WNK2: variants seen among roughly 807,000 people sequenced by gnomAD.
The protein encoded by WNK2 is WNK lysine deficient protein kinase 2.
In WNK2, 67 loss-of-function variants were observed where a neutral mutation model predicts 192.1. The observed-to-expected ratio is 0.35, with a 90% confidence interval of 0.29 to 0.43. The LOEUF (loss-of-function observed/expected upper bound fraction) is 0.43. WNK2 is among the 20% of genes least tolerant of loss of function. The probability of loss-of-function intolerance (pLI) is 1.00; values close to 1 mark genes in which losing one functional copy is unlikely to be tolerated. For missense variants in WNK2, 2,698 were observed against 3,089.7 expected (o/e 0.87, Z 3.01); for synonymous variants, 1,439 against 1,393.9 (o/e 1.03, Z -0.72).
At chr9:93,271,944 T>C (rs997192455) in intron 19 of WNK2, among the ~76,000 whole-genome samples, 15 of 152,340 alleles carry the variant, frequency 9.8e-5, no homozygotes, top group African/African-American at 3.6e-4. Context: ...CGCCAGAAAG[T>C]GTGGTGTACA....
chr9:93,256,557 C>G, intron 10 of WNK2, 103 bp downstream of exon 10: 1 of 1,340,330 alleles, frequency 7.5e-7, no homozygotes. Context: ...ACCCTTCGCT[C>G]AAATTCTCTG....
chr9:93,236,580 C>A (rs563692691), intron 5 of WNK2, among the ~76,000 whole-genome samples: 1 of 152,216 alleles, frequency 6.6e-6, no homozygotes, highest in African/African-American at 2.4e-5. Context: ...ACAAAACAAC[C>A]TAGCAGATTG....
chr9:93,196,069 G>T (rs1199973400), intron 2 of WNK2, among the ~76,000 whole-genome samples: 3 of 152,206 alleles, frequency 2.0e-5, no homozygotes, highest in African/African-American at 7.2e-5. Context: ...GATGCCCACT[G>T]TGTTGTGAAG....
At chr9:93,267,396 C>T (rs1283991500) in intron 16 of WNK2, among the ~76,000 whole-genome samples, 2 of 152,166 alleles carry the variant, frequency 1.3e-5, no homozygotes, top group Non-Finnish European at 2.9e-5. Context: ...ACCCCCTCCC[C>T]TCTTCCCAGT....
At chr9:93,279,353 G>T (rs1847386119) in intron 19 of WNK2, among the ~76,000 whole-genome samples, 1 of 152,156 alleles carries the variant, frequency 6.6e-6, no homozygotes, top group South Asian at 2.1e-4. Context: ...ATTTTTGTAT[G>T]GATTATTTAG....
At position 93,288,850 on chromosome 9, in the gene WNK2, C is replaced by T; in HGVS notation, c.4096C>T (p.Gln1366Ter). Reference protein sequence around the residue: ...KEQPSFLASQQLLSQAGPSNP... With the variant: ...KEQPSFLASQ The stretch of plus-strand genomic sequence containing the variant: ...ACAACCCAGCTTTCTAGCCAGTCAG[C>T]AGCTCCTGAGCCAGGCGGGCCCCAG... Residue 1366 changes from glutamine (Q) to a stop codon, truncating the protein, a stop_gained, in exon 20 of 30, where the codon CAG (glutamine) becomes TAG (stop). Transcript: ENST00000427277. LOFTEE classifies it high-confidence loss of function. 1 of 1,612,348 alleles carries T rather than the reference C, an allele frequency of 6.2e-7. No homozygotes were observed. The highest frequency in any genetic ancestry group is 8.5e-7 in the Non-Finnish European group (1 of 1,179,646).
chr9:93,250,970 G>C (rs1398917425), intron 8 of WNK2, among the ~76,000 whole-genome samples: 1 of 82,956 alleles, frequency 1.2e-5, no homozygotes, highest in African/African-American at 5.5e-5. Flanking sequence ...ATTTTTAGTA[G>C]AGACGGGGTT....
chr9:93,185,642 C>G, intron 2 of WNK2, 32 bp downstream of exon 2: 3 of 1,590,544 alleles, frequency 1.9e-6, no homozygotes, highest in Non-Finnish European at 2.6e-6. Flanking sequence ...GGGGGCTTTC[C>G]GCAGGGTCTG....
At chr9:93,284,331 A>G (rs780939684) in intron 19 of WNK2, among the ~76,000 whole-genome samples, 20 of 152,244 alleles carry the variant, frequency 1.3e-4, no homozygotes, top group South Asian at 2.1e-4. Flanking sequence ...AATTAAATCT[A>G]GTGATACATG....
At chr9:93,315,539 C>T (rs1854483861) in intron 28 of WNK2, 1 of 152,226 alleles carries the variant, frequency 6.6e-6, no homozygotes, top group African/African-American at 2.4e-5. Context: ...TCAGTGATCT[C>T]ACCATTCTTC....
intron 19 of WNK2, among the ~76,000 whole-genome samples, chr9:93,278,049 TG>T (rs1386694081): frequency 2.0e-5 from 3 of 152,170 alleles, no homozygotes; most frequent in Admixed American, 6.5e-5. Flanking sequence ...TATATAACAA[TG>T]TTTTTTTCAA....
rs901759738 is a variant in WNK2 at position 93,251,225 on chromosome 9, C to G, written c.1835-1658C>G. 5.3e-5 allele frequency among the ~76,000 whole-genome samples: 8 copies of G among 152,004 alleles called. No individual in the cohort carries two copies. The South Asian group carries it at 1.0e-3, about 20-fold the overall frequency. ...CCATCTCCTGGGTTCAAGCTATTCT[C>G]CTGCCTCAGCCTCCTGAGTAGCTGG... On this transcript the variant is annotated intron_variant, in intron 8 of 29. Transcript: ENST00000427277.
intron 19 of WNK2, among the ~76,000 whole-genome samples, chr9:93,270,466 T>C (rs771769497): frequency 6.6e-6 from 1 of 152,242 alleles, no homozygotes; most frequent in Non-Finnish European, 1.5e-5. Flanking sequence ...GTGACACAGC[T>C]GTCTGAGTAC....
In WNK2 at chr9:93,289,414, G is replaced by A. The variant is rs374560680; in HGVS notation, c.4660G>A (p.Glu1554Lys). The A allele has an allele frequency of 7.4e-6, 12 of 1,612,960 alleles. No homozygotes were observed. The highest frequency in any genetic ancestry group is 1.7e-4 in the Middle Eastern group (1 of 6,058). ...FVDSTIKSLDEKLRTLLYQEH... is the reference protein window; with the variant it reads ...FVDSTIKSLDKKLRTLLYQEH... ...GGACAGCACCATCAAGAGCCTGGAC[G>A]AGAAGCTGCGGACTCTGCTCTACCA... Residue 1554 changes from glutamate to lysine, a missense_variant, in exon 20 of 30, where the codon GAG (glutamate) becomes AAG (lysine). Glu to Lys is a moderately conservative substitution (Grantham distance 56). Around this residue, in one of 7 missense-constraint regions of WNK2, gnomAD observed 1,098 missense variants for 1,101.0 expected, o/e 1.00. Transcript: ENST00000427277.
intron 29 of WNK2, chr9:93,319,474 G>A (rs1421976684): frequency 8.5e-6 from 8 of 936,812 alleles, no homozygotes; most frequent in Middle Eastern, 5.4e-4. Context: ...TCTGCTGGTC[G>A]GGTTAGCTGG....
intron 2 of WNK2, among the ~76,000 whole-genome samples, chr9:93,192,297 G>A (rs1469984250): frequency 6.6e-6 from 1 of 151,922 alleles, no homozygotes; most frequent in Non-Finnish European, 1.5e-5. Context: ...CGGCGACAGA[G>A]CGAGACTCCG....
intron 21 of WNK2, among the ~76,000 whole-genome samples, chr9:93,291,487 TG>T (rs1849339021): frequency 6.6e-6 from 1 of 152,068 alleles, no homozygotes; most frequent in African/African-American, 2.4e-5. Context: ...GCCCTGAAGG[TG>T]GGCATGGAGA....
intron 8 of WNK2, among the ~76,000 whole-genome samples, chr9:93,250,079 A>C (rs1285428052): frequency 6.6e-6 from 1 of 151,994 alleles, no homozygotes; most frequent in African/African-American, 2.4e-5. Context: ...ACGCCCAGCT[A>C]ATTTTTGTAT....
chr9:93,318,782 G>A, intron 29 of WNK2: 1 of 1,413,114 alleles, frequency 7.1e-7, no homozygotes, highest in Non-Finnish European at 9.2e-7. Flanking sequence ...TCTTCTCCTG[G>A]AGATTTCAGT....
Sources: gnomAD v4.1 joint callset for allele counts (sites outside exome capture counted in the v4.1 genomes callset) on GRCh38, gnomAD v4.1.1 for gene constraint, gnomAD v4.1.1 regional missense constraint, MANE v1.5 for transcripts, NCBI Gene and HGNC (gene_info 2026-07-23, HGNC 2026-07-21) for gene names.